PHLPP1: variants seen among roughly 807,000 people sequenced by gnomAD.
The protein encoded by PHLPP1 is PH domain leucine-rich repeat-containing protein phosphatase 1.
PHLPP1 carries 42 observed loss-of-function variants against 117.2 expected under a neutral mutation model. The ratio of observed to expected loss-of-function variants is 0.36; its 90% CI spans 0.28 to 0.46. PHLPP1 has a LOEUF of 0.46. Among genes scored for constraint, PHLPP1 ranks in the 20% least tolerant of loss-of-function variants. The pLI is 1.00. For synonymous variants in PHLPP1, 1,042 were observed against 970.7 expected, an observed-to-expected ratio of 1.07 and a Z score of -1.37; for missense variants, 2,084 against 2,241.9, an observed-to-expected ratio of 0.93 and a Z score of 1.42.
chr18:62,940,914 A>G (rs149638750), intron 10 of PHLPP1, among the ~76,000 whole-genome samples: 390 of 152,076 alleles, frequency 2.6e-3, no homozygotes, highest in Middle Eastern at 6.8e-3. Context: ...TTCCCTCCCC[A>G]CCTAAGAGTT....
In PHLPP1 at chr18:62,779,165, G is replaced by A. The variant is rs373668188; in HGVS notation, c.1577-50870G>A. On this transcript the variant is annotated intron_variant, in intron 1 of 16. Coordinates refer to ENST00000262719, the MANE Select transcript of PHLPP1 (RefSeq NM_194449.4). ...TCCTCCCCTTGGTAGCCTTGCTTCC[G>A]CTACTCTGCCTGAGCATGAAAGTGC... Among the ~76,000 whole-genome samples, 4 of 151,962 alleles carry A rather than the reference G, an allele frequency of 2.6e-5. No individual in the cohort carries two copies. The South Asian group carries it at 6.2e-4, about 24-fold the overall frequency.
intron 1 of PHLPP1, among the ~76,000 whole-genome samples, chr18:62,740,406 A>G (rs1025583322): frequency 6.6e-5 from 10 of 152,228 alleles, no homozygotes; most frequent in East Asian, 3.8e-4. Context: ...TTAGATTATC[A>G]TAATAACTCA....
At chr18:62,786,766 G>A (rs1443100080) in intron 1 of PHLPP1, among the ~76,000 whole-genome samples, 6 of 152,210 alleles carry the variant, frequency 3.9e-5, no homozygotes, top group Non-Finnish European at 8.8e-5. Context: ...AGTCTGCTCT[G>A]TGAACTGCCT....
chr18:62,752,139 A>G (rs562760049), intron 1 of PHLPP1, among the ~76,000 whole-genome samples: 7 of 152,288 alleles, frequency 4.6e-5, no homozygotes, highest in Admixed American at 3.9e-4. Context: ...GTGCAGTGGC[A>G]TGAACATGCC....
At chr18:62,886,122 T>A (rs999596051) in intron 4 of PHLPP1, among the ~76,000 whole-genome samples, 4 of 152,218 alleles carry the variant, frequency 2.6e-5, no homozygotes, top group African/African-American at 9.6e-5. Context: ...TACTTTCATT[T>A]TATAATGTAA....
At chr18:62,929,719 A>G (rs1909751516) in intron 10 of PHLPP1, among the ~76,000 whole-genome samples, 1 of 152,176 alleles carries the variant, frequency 6.6e-6, no homozygotes, top group South Asian at 2.1e-4. Flanking sequence ...AGGCCAAAGC[A>G]GGAGGATAGC....
At chr18:62,945,411 C>A in intron 12 of PHLPP1, 140 bp downstream of exon 12, 1 of 631,776 alleles carries the variant, frequency 1.6e-6, no homozygotes, top group Non-Finnish European at 2.6e-6. Context: ...TTCCTCCTTC[C>A]TAACCAATGG....
chr18:62,904,029 C>T (rs1255159861), intron 7 of PHLPP1, among the ~76,000 whole-genome samples: 2 of 152,146 alleles, frequency 1.3e-5, no homozygotes, highest in Non-Finnish European at 2.9e-5. Context: ...GTTTATCACG[C>T]ACTTGTTTTA....
intron 14 of PHLPP1, among the ~76,000 whole-genome samples, chr18:62,964,877 A>G (rs1326270059): frequency 6.6e-6 from 1 of 152,202 alleles, no homozygotes; most frequent in African/African-American, 2.4e-5. Flanking sequence ...CTCGTGTCTT[A>G]ATGGAGCAAG....
chr18:62,854,575 G>A (rs1393224809), intron 3 of PHLPP1, among the ~76,000 whole-genome samples: 1 of 152,076 alleles, frequency 6.6e-6, no homozygotes, highest in Non-Finnish European at 1.5e-5. Context: ...TTTCTTTGCT[G>A]TAGTTATGTT....
At chr18:62,802,806 A>G (rs1223918656) in intron 1 of PHLPP1, among the ~76,000 whole-genome samples, 1 of 152,052 alleles carries the variant, frequency 6.6e-6, no homozygotes, top group Non-Finnish European at 1.5e-5. Context: ...AGGAGTATTA[A>G]CAAGGTAGAA....
chr18:62,855,606 A>G (rs1319859241), intron 3 of PHLPP1, among the ~76,000 whole-genome samples: 2 of 152,204 alleles, frequency 1.3e-5, no homozygotes, highest in Non-Finnish European at 2.9e-5. Context: ...CTCACGATAG[A>G]CATTCCTAGT....
At chr18:62,973,614 A>G (rs1209673097) in intron 15 of PHLPP1, among the ~76,000 whole-genome samples, 3 of 152,076 alleles carry the variant, frequency 2.0e-5, no homozygotes, top group Non-Finnish European at 2.9e-5. Flanking sequence ...CAGCCTTTAC[A>G]GTGATACCTG....
chr18:62,937,905 A>G (rs892244147), intron 10 of PHLPP1, among the ~76,000 whole-genome samples: 1 of 152,044 alleles, frequency 6.6e-6, no homozygotes, highest in African/African-American at 2.4e-5. Flanking sequence ...CCAGCTACTC[A>G]GGAGGCTAAG....
chr18:62,776,898 A>G (rs973399125), intron 1 of PHLPP1, among the ~76,000 whole-genome samples: 1 of 152,186 alleles, frequency 6.6e-6, no homozygotes, highest in African/African-American at 2.4e-5. Flanking sequence ...GTGAGCCACC[A>G]TGCCCAGCCT....
intron 1 of PHLPP1, among the ~76,000 whole-genome samples, chr18:62,774,581 T>G (rs768435923): frequency 3.9e-5 from 6 of 152,220 alleles, no homozygotes; most frequent in Admixed American, 6.5e-5. Context: ...AAAAGAGGCA[T>G]TATATACACA....
In PHLPP1 at chr18:62,715,759, G is replaced by A; in HGVS notation, c.76G>A (p.Ala26Thr). The change falls in exon 1 of 17, where the codon GCC (alanine) becomes ACC (threonine). Residue 26 changes from alanine to threonine, a missense_variant. Transcript: ENST00000262719. ...GGAGGACCGAGCTTCGGCTCCGGCG[G>A]CCGCCGCTGCGGCAGCAGCAGCAGC... Reference protein sequence around the residue: ...GREDRASAPAAAAAAAAAAAA... With the variant: ...GREDRASAPATAAAAAAAAAA... 2 of 1,084,878 alleles carry A rather than the reference G, an allele frequency of 1.8e-6. No individual in the cohort carries two copies. Among genetic ancestry groups the A allele is most frequent in the African/African-American group, 1.7e-5 (1 of 60,078 alleles). The allele number at this position is 1,084,878 out of a possible 1,614,324, so 67.2% of individuals were successfully genotyped here. A position where few individuals can be genotyped will look rare whatever the true frequency, so the allele number is the denominator to read the frequency against.
At position 62,716,255 on chromosome 18, in the gene PHLPP1, AC is replaced by A. The variant is rs1335645817; in HGVS notation, c.574del (p.Arg192GlyfsTer4). On this transcript the variant is annotated frameshift_variant, in exon 1 of 17. Coordinates refer to ENST00000262719, the MANE Select transcript of PHLPP1 (RefSeq NM_194449.4). LOFTEE classifies it high-confidence loss of function. The surrounding 1 kb of genome is among the most constrained non-coding windows in gnomAD (Gnocchi z 5.7). Reference protein sequence around the residue: ...HRQTLQLQPSDRDWVRHQLQR... With the variant: ...HRQTLQLQPSXRDWVRHQLQR... ...CAGACGCTGCAGCTGCAGCCGTCGG[AC>A]CGGGACTGGGTGAGGCACCAGCTCC... 1 of 1,530,582 alleles carries A rather than the reference AC, an allele frequency of 6.5e-7. No individual in the cohort carries two copies. The highest frequency in any genetic ancestry group is 1.2e-5 in the South Asian group (1 of 83,200). 94.8% of individuals were successfully genotyped at this position (1,530,582 alleles called of 1,614,324 possible).
At position 62,978,800 on chromosome 18, in the gene PHLPP1, C is replaced by T. The variant is rs756031495; in HGVS notation, c.4523C>T (p.Pro1508Leu). The change falls in exon 17 of 17, where the codon CCT (proline) becomes CTT (leucine). Residue 1508 changes from proline (P) to leucine (L), a missense_variant. By Grantham distance (98) the Pro-to-Leu change is moderately conservative. Around this residue, in one of 2 missense-constraint regions of PHLPP1, gnomAD observed 1,365 missense variants for 1,605.9 expected, o/e 0.85. Coordinates refer to ENST00000262719, the MANE Select transcript of PHLPP1 (RefSeq NM_194449.4). The surrounding 1 kb of genome is among the most constrained non-coding windows in gnomAD (Gnocchi z 7.0). The part of the protein sequence containing the change: ...PPPGALSENS[P>L]AYPSEQRCML... ...CCCGGAGCCCTAAGCGAGAACAGCC[C>T]TGCCTACCCCAGTGAGCAGCGCTGC... is the stretch of plus-strand genomic sequence containing the variant. The T allele has an allele frequency of 6.2e-7, 1 of 1,612,156 alleles. No homozygotes were observed. The highest frequency in any genetic ancestry group is 1.7e-5 in the Admixed American group (1 of 59,796).
Sources: allele counts gnomAD v4.1 joint callset (sites outside exome capture counted in the v4.1 genomes callset), GRCh38; gene constraint gnomAD v4.1.1; regional missense constraint gnomAD v4.1.1; non-coding constraint Gnocchi (gnomAD v3.1); transcripts MANE v1.5; gene names NCBI Gene and HGNC (gene_info 2026-07-23, HGNC 2026-07-21).